The following XKR9 variants were observed in gnomAD, a reference collection of about 807,000 sequenced individuals.
XKR9 encodes XK related 9, also known as XK-related protein 9.
XKR9 carries 32 observed loss-of-function variants against 32.0 expected under a neutral mutation model. The ratio of observed to expected loss-of-function variants is 1.00; its 90% CI spans 0.76 to 1.34. XKR9 has a LOEUF of 1.34. Ranked by LOEUF, XKR9 falls within the 40% of genes most tolerant of loss-of-function variation. The pLI is 0.00. For synonymous variants in XKR9, 168 were observed against 143.4 expected, an observed-to-expected ratio of 1.17 and a Z score of -1.22; for missense variants, 546 against 429.7, an observed-to-expected ratio of 1.27 and a Z score of -2.39.
the XKR9 span, among the ~76,000 whole-genome samples, chr8:71,016,085 G>A: frequency 6.6e-5 from 8 of 121,046 alleles, no homozygotes; most frequent in Admixed American, 2.3e-4. Context: ...TTACTCTGAC[G>A]TTGGCATTAA....
At chr8:70,828,723 A>T in the XKR9 span, among the ~76,000 whole-genome samples, 1 of 126,416 alleles carries the variant, frequency 7.9e-6, no homozygotes, top group African/African-American at 2.6e-5. Context: ...TATGTCTCAA[A>T]AAAAAAGAAA....
chr8:70,911,481 C>G, the XKR9 span, among the ~76,000 whole-genome samples: 2 of 152,160 alleles, frequency 1.3e-5, no homozygotes, highest in African/African-American at 4.8e-5. Flanking sequence ...TACTAGTTCT[C>G]AGTGCTGAAG....
chr8:70,989,409 G>C, the XKR9 span, among the ~76,000 whole-genome samples: 1 of 152,190 alleles, frequency 6.6e-6, no homozygotes, highest in African/African-American at 2.4e-5. Flanking sequence ...TTGCTTTTAA[G>C]ATTATTAAAT....
At chr8:70,938,862 G>T in the XKR9 span, among the ~76,000 whole-genome samples, 1 of 151,890 alleles carries the variant, frequency 6.6e-6, no homozygotes, top group Non-Finnish European at 1.5e-5. Context: ...GGGGCTAGGG[G>T]TATAGATCAA....
the XKR9 span, among the ~76,000 whole-genome samples, chr8:71,032,376 C>G: frequency 6.6e-6 from 1 of 150,616 alleles, no homozygotes; most frequent in African/African-American, 2.4e-5. Context: ...AATTCTTTAG[C>G]TATCAAGTGT....
At chr8:70,947,573 A>G in the XKR9 span, among the ~76,000 whole-genome samples, 4 of 152,264 alleles carry the variant, frequency 2.6e-5, no homozygotes, top group African/African-American at 7.2e-5. Context: ...ATGCAGTAAG[A>G]GGAAAATATC....
At chr8:70,674,234 G>C (rs1432426678) in intron 1 of XKR9, among the ~76,000 whole-genome samples, 1 of 152,166 alleles carries the variant, frequency 6.6e-6, no homozygotes, top group Non-Finnish European at 1.5e-5. Flanking sequence ...AGATTGCAAG[G>C]AGAAAGGGGA....
At chr8:70,877,210 G>C in the XKR9 span, among the ~76,000 whole-genome samples, 1 of 152,152 alleles carries the variant, frequency 6.6e-6, no homozygotes, top group African/African-American at 2.4e-5. Flanking sequence ...CACAAGAACA[G>C]TCTGTGGGAA....
chr8:70,700,196 T>G (rs1030963535), intron 3 of XKR9, among the ~76,000 whole-genome samples: 20 of 152,240 alleles, frequency 1.3e-4, no homozygotes, highest in South Asian at 2.1e-4. Context: ...AAAGTCATTC[T>G]CTGTCCAGCT....
the XKR9 span, among the ~76,000 whole-genome samples, chr8:70,957,706 G>T: frequency 6.6e-6 from 1 of 151,588 alleles, no homozygotes; most frequent in Non-Finnish European, 1.5e-5. Flanking sequence ...CCTTGCAAAG[G>T]ACATAATCTT....
chr8:70,928,411 A>T, the XKR9 span, among the ~76,000 whole-genome samples: 1 of 152,186 alleles, frequency 6.6e-6, no homozygotes, highest in African/African-American at 2.4e-5. Context: ...TGTGGACATT[A>T]CTAAGCACAA....
At chr8:70,795,305 G>T (rs1378139783), downstream of XKR9, among the ~76,000 whole-genome samples, 1 of 151,964 alleles carries the variant, frequency 6.6e-6, no homozygotes, top group Non-Finnish European at 1.5e-5. Flanking sequence ...GCAAAGGATA[G>T]GATCTCGCTT....
the XKR9 span, among the ~76,000 whole-genome samples, chr8:70,815,199 T>A: frequency 1.3e-5 from 2 of 152,276 alleles, no homozygotes; most frequent in South Asian, 4.1e-4. Flanking sequence ...TCAGGATACA[T>A]GTGCAGGTTT....
At chr8:70,775,000 G>T (rs1481676517) in intron 2 of XKR9, among the ~76,000 whole-genome samples, 3 of 151,828 alleles carry the variant, frequency 2.0e-5, no homozygotes, top group Non-Finnish European at 2.9e-5. Context: ...ATCTACACAG[G>T]TCTTTAATTG....
chr8:70,782,259 A>G (rs1586896832), intron 2 of XKR9, among the ~76,000 whole-genome samples: 1 of 152,094 alleles, frequency 6.6e-6, no homozygotes, highest in South Asian at 2.1e-4. Context: ...TGTGCATTTT[A>G]TTTTTATTTT....
chr8:70,853,976 C>T, the XKR9 span, among the ~76,000 whole-genome samples: 7 of 152,108 alleles, frequency 4.6e-5, no homozygotes, highest in African/African-American at 1.7e-4. Context: ...TGAATAGTGC[C>T]ACAATAAACA....
chr8:70,688,111 A>G (rs905773739), intron 3 of XKR9, among the ~76,000 whole-genome samples: 1 of 152,236 alleles, frequency 6.6e-6, no homozygotes, highest in South Asian at 2.1e-4. Context: ...GTCTTAGGCT[A>G]TGCCCTACCA....
the XKR9 span, among the ~76,000 whole-genome samples, chr8:70,940,515 CTT>C: frequency 1.3e-5 from 2 of 151,912 alleles, no homozygotes; most frequent in Non-Finnish European, 2.9e-5. Context: ...ATACTTATCT[CTT>C]AGGTCTGTTG....
chr8:70,893,639 T>G, the XKR9 span, among the ~76,000 whole-genome samples: 1 of 152,206 alleles, frequency 6.6e-6, no homozygotes, highest in Non-Finnish European at 1.5e-5. Flanking sequence ...TGTGGGTCCC[T>G]TAGTGGTCTA....
Sources: gnomAD v4.1 joint callset for allele counts (sites outside exome capture counted in the v4.1 genomes callset) on GRCh38, gnomAD v4.1.1 for gene constraint, MANE v1.5 for transcripts, NCBI Gene and HGNC (gene_info 2026-07-23, HGNC 2026-07-21) for gene names.